The following PRSS21 variants were observed in gnomAD, a reference collection of about 807,000 sequenced individuals.
PRSS21 encodes the protein serine protease 21.
PRSS21 carries 40 observed loss-of-function variants against 31.1 expected under a neutral mutation model. The ratio of observed to expected loss-of-function variants is 1.29; its 90% CI spans 1.00 to 1.68. The LOEUF is 1.68. PRSS21 is among the 40% of genes most tolerant of loss of function. The pLI is 0.00. For synonymous variants in PRSS21, 186 were observed against 167.7 expected (o/e 1.11, Z -0.84); for missense variants, 467 against 412.6 (o/e 1.13, Z -1.14).
rs780898283 is a variant in PRSS21 at position 2,821,018 on chromosome 16, A to G, written c.614A>G (p.Asn205Ser). Residue 205 changes from asparagine (N) to serine (S), a missense_variant, in exon 5 of 6, where the codon AAC (asparagine) becomes AGC (serine). By Grantham distance (46) the Asn-to-Ser change is conservative. Transcript: ENST00000005995. The part of the protein sequence containing the change: ...QVAIINNSMC[N>S]HLFLKYSFRK... Reference sequence around the variant, plus strand: ...GCCATCATAAACAACTCTATGTGCAACCACCTCTTCCTCAAGTACAGTTTC... The same window carrying G: ...GCCATCATAAACAACTCTATGTGCAGCCACCTCTTCCTCAAGTACAGTTTC... 1.9e-6 allele frequency: 3 copies of G among 1,614,054 alleles called. No individual in the cohort carries two copies. The Admixed American group carries it at 5.0e-5, about 27-fold the overall frequency.
At chr16:2,819,067 C>CA in intron 4 of PRSS21, 98 bp downstream of exon 4, 1 of 1,350,308 alleles carries the variant, frequency 7.4e-7, no homozygotes, top group Non-Finnish European at 1.0e-6. Context: ...GGGGTGCAGG[C>CA]TATGCCCCTC....
At chr16:2,820,294 A>G (rs2069148781) in intron 4 of PRSS21, among the ~76,000 whole-genome samples, 1 of 152,228 alleles carries the variant, frequency 6.6e-6, no homozygotes, top group South Asian at 2.1e-4. Context: ...GCTGACGGGA[A>G]GCGCTGCCTG....
In PRSS21 at chr16:2,817,243, G is replaced by C. The variant is rs1016432400; in HGVS notation, c.-26G>C. 2.5e-5 allele frequency: 37 copies of C among 1,487,936 alleles called. No homozygotes were observed. The Admixed American group carries it at 3.5e-4, about 14-fold the overall frequency. The allele number at this position is 1,487,936 out of a possible 1,614,324, so 92.2% of individuals were successfully genotyped here. On this transcript the variant is annotated 5_prime_UTR_variant, in exon 1 of 6. Transcript: ENST00000005995. The surrounding 1 kb of genome is among the most constrained non-coding windows in gnomAD (Gnocchi z 4.2). Reference sequence around the variant, plus strand: ...GCCCGGCGCGAGAGGAGGCAGAGGGGGCGTCAGGCCGCGGGAGAGGAGGCC... The same window carrying C: ...GCCCGGCGCGAGAGGAGGCAGAGGGCGCGTCAGGCCGCGGGAGAGGAGGCC...
chr16:2,820,881 C>T (rs2069160031), intron 4 of PRSS21, 74 bp from the exon 5 acceptor site: 3 of 1,514,978 alleles, frequency 2.0e-6, no homozygotes, highest in Admixed American at 1.7e-5. Flanking sequence ...GCCCCCACCC[C>T]CGCAGCCTAT....
At chr16:2,819,916 G>A (rs573549657) in intron 4 of PRSS21, among the ~76,000 whole-genome samples, 54 of 152,172 alleles carry the variant, frequency 3.5e-4, no homozygotes, top group Non-Finnish European at 7.2e-4. Flanking sequence ...CACTGGAGCC[G>A]CCTCCCTCTG....
chr16:2,818,824 C>G lies in PRSS21; in HGVS notation c.405C>G (p.Pro135=). 3.1e-6 allele frequency: 5 copies of G among 1,613,840 alleles called. No individual in the cohort carries two copies. In the African/African-American group the frequency reaches 5.3e-5, roughly 17 times the overall value. The change falls in exon 4 of 6, where the codon CCC becomes CCG. Residue 135 remains proline (P), a synonymous_variant. Transcript: ENST00000005995. ...GCCCTCGCTACCTGGGGAATTCACC[C>G]TATGACATTGCCTTGGTGAAGCTGT... ...YLSPRYLGNS[P]YDIALVKLSA...
chr16:2,818,855 C>G lies in PRSS21; in HGVS notation c.436C>G (p.Pro146Ala), dbSNP rs760374335. The G allele has an allele frequency of 3.7e-6, 6 of 1,614,008 alleles. No individual in the cohort carries two copies. The South Asian group carries it at 4.4e-5, about 12-fold the overall frequency. Residue 146 changes from proline (P) to alanine (A), a missense_variant, in exon 4 of 6, where the codon CCT (proline) becomes GCT (alanine). Physicochemically the swap from Pro to Ala is conservative, Grantham distance 27 (BLOSUM62 -1). Transcript: ENST00000005995. ...YDIALVKLSA[P>A]VTYTKHIQPI... ...CATTGCCTTGGTGAAGCTGTCTGCA[C>G]CTGTCACCTACACTAAACACATCCA...
In PRSS21 at chr16:2,817,819, T is replaced by G; in HGVS notation, c.110T>G (p.Val37Gly). 1 of 1,550,474 alleles carries G rather than the reference T, an allele frequency of 6.4e-7. No individual in the cohort carries two copies. Among genetic ancestry groups the G allele is most frequent in the Non-Finnish European group, 8.7e-7 (1 of 1,147,180 alleles). Reference protein sequence around the residue: ...APLSGPCGRRVITSRIVGGED... With the variant: ...APLSGPCGRRGITSRIVGGED... ...ATCCGAGGACCATGCGGCCGACGGG[T>G]CATCACGTCGCGCATCGTGGGTGGA... Residue 37 changes from valine to glycine, a missense_variant, in exon 3 of 6, where the codon GTC (valine) becomes GGC (glycine). Coordinates refer to ENST00000005995, the MANE Select transcript of PRSS21 (RefSeq NM_006799.4). This position sits in a 1 kb window ranked among gnomAD's most constrained non-coding sequence, Gnocchi z 4.2.
chr16:2,817,402 G>C lies in PRSS21; in HGVS notation c.65-28G>C, dbSNP rs370557686. The C allele has an allele frequency of 1.3e-4, 205 of 1,595,484 alleles. 1 individual carries two copies. The South Asian group carries it at 2.0e-3, about 16-fold the overall frequency. On this transcript the variant is annotated intron_variant, in intron 1 of 5. Coordinates refer to ENST00000005995, the MANE Select transcript of PRSS21 (RefSeq NM_006799.4). This position sits in a 1 kb window ranked among gnomAD's most constrained non-coding sequence, Gnocchi z 4.2. ...GTGGGGAGGACGGGAGGTGGAGGCC[G>C]CGGGGAGTCACTTCTTGTCTCCCGC...
chr16:2,817,528 AGAG>A lies in PRSS21; in HGVS notation c.91+74_91+76del. ...GGTGGACGGGGGGCGGTGAGGGGGT[AGAG>A]GGGGGCCTTTACTGCTCTCTCGCCC... On this transcript the variant is annotated intron_variant, in intron 2 of 5. Transcript: ENST00000005995. This position sits in a 1 kb window ranked among gnomAD's most constrained non-coding sequence, Gnocchi z 4.2. The A allele has an allele frequency of 1.7e-6, 1 of 581,974 alleles. No individual in the cohort carries two copies. Among genetic ancestry groups the A allele is most frequent in the Non-Finnish European group, 2.6e-6 (1 of 389,996 alleles). The allele number at this position is 581,974 out of a possible 1,614,324, so 36.1% of individuals were successfully genotyped here. A position where few individuals can be genotyped will look rare whatever the true frequency, so the allele number is the denominator to read the frequency against.
Position 2,817,521 on chromosome 16 carries a change from AG to A in PRSS21, c.91+70del, listed in dbSNP as rs1214613954. 5 of 487,690 alleles carry A rather than the reference AG, an allele frequency of 1.0e-5. 1 individual carries two copies. Among genetic ancestry groups the A allele is most frequent in the African/African-American group, 1.3e-4 (2 of 15,224 alleles). 30.2% of individuals were successfully genotyped at this position (487,690 alleles called of 1,614,324 possible). ...GGGCCGAGGTGGACGGGGGGCGGTG[AG>A]GGGGTAGAGGGGGGCCTTTACTGCT... On this transcript the variant is annotated intron_variant, in intron 2 of 5. Transcript: ENST00000005995. The surrounding 1 kb of genome is among the most constrained non-coding windows in gnomAD (Gnocchi z 4.2).
chr16:2,818,702 G>T lies in PRSS21; in HGVS notation c.283G>T (p.Gly95Trp). 1 of 1,614,132 alleles carries T rather than the reference G, an allele frequency of 6.2e-7. No homozygotes were observed. Among genetic ancestry groups the T allele is most frequent in the Non-Finnish European group, 8.5e-7 (1 of 1,180,020 alleles). Residue 95 changes from glycine to tryptophan, a missense_variant, in exon 4 of 6, where the codon GGG becomes TGG. Transcript: ENST00000005995. ...CTATAGTGACCTTAGTGATCCCTCC[G>T]GGTGGATGGTCCAGTTTGGCCAGCT... ...ETYSDLSDPS[G>W]WMVQFGQLTS...
At chr16:2,818,333 A>AC (rs917988650) in intron 3 of PRSS21, among the ~76,000 whole-genome samples, 2 of 151,720 alleles carry the variant, frequency 1.3e-5, no homozygotes, top group Non-Finnish European at 2.9e-5. Flanking sequence ...CAAGGCCAGC[A>AC]CCCCCGGGCC....
At chr16:2,819,156 G>A (rs912454404) in intron 4 of PRSS21, among the ~76,000 whole-genome samples, 187 bp downstream of exon 4, 2 of 152,234 alleles carry the variant, frequency 1.3e-5, no homozygotes, top group Non-Finnish European at 2.9e-5. Flanking sequence ...GTGGGGGCCA[G>A]AAGGAGAGTG....
In PRSS21 at chr16:2,817,632, A is replaced by C. The variant is rs1020647800; in HGVS notation, c.92-169A>C. On this transcript the variant is annotated intron_variant, in intron 2 of 5. Transcript: ENST00000005995. This position sits in a 1 kb window ranked among gnomAD's most constrained non-coding sequence, Gnocchi z 4.2. The stretch of plus-strand genomic sequence containing the variant: ...CTGGAGGGGGATGGGCGGGCCCTGC[A>C]GAGCACGTGGGAGGATCTCCAGTGT... The C allele has an allele frequency of 2.4e-5, 30 of 1,267,988 alleles. No homozygotes were observed. Among genetic ancestry groups the C allele is most frequent in the Middle Eastern group, 2.7e-4 (1 of 3,728 alleles). The allele number at this position is 1,267,988 out of a possible 1,614,324, so 78.5% of individuals were successfully genotyped here.
rs2069098653 is a variant in PRSS21, at chr16:2,817,629, T to C, written c.92-172T>C. On this transcript the variant is annotated intron_variant, in intron 2 of 5. Coordinates refer to ENST00000005995, the MANE Select transcript of PRSS21 (RefSeq NM_006799.4). This position sits in a 1 kb window ranked among gnomAD's most constrained non-coding sequence, Gnocchi z 4.2. Reference sequence around the variant, plus strand: ...ACGCTGGAGGGGGATGGGCGGGCCCTGCAGAGCACGTGGGAGGATCTCCAG... The same window carrying C: ...ACGCTGGAGGGGGATGGGCGGGCCCCGCAGAGCACGTGGGAGGATCTCCAG... 1.6e-6 allele frequency: 2 copies of C among 1,269,586 alleles called. No individual in the cohort carries two copies. The highest frequency in any genetic ancestry group is 2.1e-6 in the Non-Finnish European group (2 of 933,182). The allele number at this position is 1,269,586 out of a possible 1,614,324, so 78.6% of individuals were successfully genotyped here.
In PRSS21 at chr16:2,821,540, G is replaced by C. The variant is rs779214398; in HGVS notation, c.880G>C (p.Asp294His). 25 of 1,614,092 alleles carry C rather than the reference G, an allele frequency of 1.5e-5. No homozygotes were observed. Among genetic ancestry groups the C allele is most frequent in the Non-Finnish European group, 1.9e-5 (23 of 1,180,042 alleles). The change falls in exon 6 of 6, where the codon GAC (aspartate) becomes CAC (histidine). Residue 294 changes from aspartate to histidine, a missense_variant. Coordinates refer to ENST00000005995, the MANE Select transcript of PRSS21 (RefSeq NM_006799.4). The stretch of plus-strand genomic sequence containing the variant: ...GGCCCAGAGTGGCATGTCCCAGCCA[G>C]ACCCCTCCTGGCCGCTACTCTTTTT... ...LMAQSGMSQP[D>H]PSWPLLFFPL...
intron 5 of PRSS21, 22 bp from the exon 6 acceptor site, chr16:2,821,344 C>A (rs199822011): frequency 1.2e-4 from 190 of 1,613,166 alleles, no homozygotes; most frequent in South Asian, 2.1e-4. Context: ...CCCAGGCTGA[C>A]CTCAGCCCCG....
chr16:2,821,334 C>T, intron 5 of PRSS21, 32 bp from the exon 6 acceptor site: 1 of 1,612,316 alleles, frequency 6.2e-7, no homozygotes. Context: ...CTCACTCTGC[C>T]CCAGGCTGAC....
Sources: gnomAD v4.1 joint callset for allele counts (sites outside exome capture counted in the v4.1 genomes callset) on GRCh38, gnomAD v4.1.1 for gene constraint, Gnocchi (gnomAD v3.1) non-coding constraint, MANE v1.5 for transcripts, NCBI Gene and HGNC (gene_info 2026-07-23, HGNC 2026-07-21) for gene names.